The following CILK1 variants were observed in gnomAD, a reference collection of about 807,000 sequenced individuals.
CILK1 encodes serine/threonine-protein kinase ICK.
A neutral mutation model predicts 79.2 loss-of-function variants in CILK1; 47 were observed. The observed-to-expected ratio is 0.59, with a 90% CI of 0.47 to 0.76. CILK1 has a LOEUF of 0.76. Among genes scored for constraint, CILK1 ranks in the 30% least tolerant of loss-of-function variants. CILK1 has a pLI of 0.00. For synonymous variants in CILK1, 266 were observed against 275.9 expected, an observed-to-expected ratio of 0.96 and a Z score of 0.36; for missense variants, 660 against 769.5, an observed-to-expected ratio of 0.86 and a Z score of 1.68.
At chr6:53,031,305 CAA>C (rs1053864880) in intron 4 of CILK1, among the ~76,000 whole-genome samples, 161 bp from the exon 5 acceptor site, 1 of 151,634 alleles carries the variant, frequency 6.6e-6, no homozygotes, top group African/African-American at 2.4e-5. Context: ...GATAGTAAGC[CAA>C]AAAAAAGTTT....
chr6:53,037,019 GA>G, intron 3 of CILK1, among the ~76,000 whole-genome samples: 1 of 152,232 alleles, frequency 6.6e-6, no homozygotes, highest in African/African-American at 2.4e-5. Flanking sequence ...GCCCTTTACA[GA>G]AAACGTTTGC....
At chr6:53,018,567 T>A (rs1436410255) in intron 6 of CILK1, 66 bp from the exon 7 acceptor site, 17 of 1,455,074 alleles carry the variant, frequency 1.2e-5, no homozygotes, top group Non-Finnish European at 1.5e-5. Flanking sequence ...TAAATAACAA[T>A]CAGTTCTCAG....
At chr6:53,050,802 T>C (rs1767430621) in intron 1 of CILK1, among the ~76,000 whole-genome samples, 1 of 152,094 alleles carries the variant, frequency 6.6e-6, no homozygotes, top group Non-Finnish European at 1.5e-5. Flanking sequence ...CACTCCAGCC[T>C]GGGCAACAGA....
rs189203620 is a variant in CILK1, at chr6:53,025,954, C to A, written c.358+5111G>T. 1.2e-4 allele frequency among the ~76,000 whole-genome samples: 18 copies of A among 152,226 alleles called. No individual in the cohort carries two copies. The East Asian group carries it at 2.9e-3, about 24-fold the overall frequency. On this transcript the variant is annotated intron_variant, in intron 5 of 13. Coordinates refer to ENST00000676107, the MANE Select transcript of CILK1 (RefSeq NM_014920.5). ...CATGACATTACTATTTCCTTATGAGCGGCAATGCCACATAGCGGGTAGGTG... is the reference window on the plus strand; with the variant it reads ...CATGACATTACTATTTCCTTATGAGAGGCAATGCCACATAGCGGGTAGGTG...
intron 1 of CILK1, among the ~76,000 whole-genome samples, chr6:53,053,802 C>T (rs886303467): frequency 9.9e-5 from 15 of 152,164 alleles, no homozygotes; most frequent in African/African-American, 3.1e-4. Context: ...CCAACATGCC[C>T]ACAGTGGAGG....
rs1440018951 is a variant in CILK1 at position 53,002,806 on chromosome 6, T to C, written c.*2343A>G. ...AAGTATTTTCTGAAGTTGGGCCCTA[T>C]AAAGTATTAGAAAAACAATTTTATA... On this transcript the variant is annotated 3_prime_UTR_variant, in exon 14 of 14. Coordinates refer to ENST00000676107, the MANE Select transcript of CILK1 (RefSeq NM_014920.5). 1 of 152,210 alleles carries C rather than the reference T, an allele frequency of 6.6e-6. No individual in the cohort carries two copies. The highest frequency in any genetic ancestry group is 1.5e-5 in the Non-Finnish European group (1 of 68,030). 9.4% of individuals were successfully genotyped at this position (152,210 alleles called of 1,614,324 possible).
chr6:53,032,697 G>A, intron 3 of CILK1, 43 bp from the exon 4 acceptor site: 1 of 1,521,096 alleles, frequency 6.6e-7, no homozygotes, highest in East Asian at 2.3e-5. Context: ...AAATATTAGA[G>A]AAAATCTGTT....
At chr6:53,038,912 T>G (rs1224717882) in intron 2 of CILK1, among the ~76,000 whole-genome samples, 3 of 152,226 alleles carry the variant, frequency 2.0e-5, no homozygotes, top group Non-Finnish European at 4.4e-5. Context: ...AAGGTTATAT[T>G]TTTCAGTGCA....
At chr6:53,040,502 G>A (rs1766630337) in intron 2 of CILK1, among the ~76,000 whole-genome samples, 2 of 152,212 alleles carry the variant, frequency 1.3e-5, no homozygotes, top group Non-Finnish European at 2.9e-5. Flanking sequence ...ATCACAAAAT[G>A]AGCTCAGAAG....
At chr6:53,006,030 C>CA (rs1383723366) in intron 13 of CILK1, among the ~76,000 whole-genome samples, 1 of 152,170 alleles carries the variant, frequency 6.6e-6, no homozygotes, top group Non-Finnish European at 1.5e-5. Flanking sequence ...AACTCCTTTG[C>CA]AGTGAGCTCT....
In CILK1 at chr6:53,019,292, T is replaced by C. The variant is rs772283230; in HGVS notation, c.426A>G (p.Ala142=). The C allele has an allele frequency of 1.2e-6, 2 of 1,614,090 alleles. No homozygotes were observed. The highest frequency in any genetic ancestry group is 3.3e-5 in the Admixed American group (2 of 60,024). ...LCMGPELVKI[A]DFGLAREIRS... is the part of the protein sequence containing the mutation. The stretch of plus-strand genomic sequence containing the variant: ...GTATTTCTCGGGCCAAACCAAAGTC[T>C]GCAATTTTCACAAGTTCTGGTCCCA... The change falls in exon 6 of 14, where the codon GCA becomes GCG. Residue 142 remains alanine, a synonymous_variant. Coordinates refer to ENST00000676107, the MANE Select transcript of CILK1 (RefSeq NM_014920.5).
At chr6:53,058,004 A>T (rs945702529) in intron 1 of CILK1, among the ~76,000 whole-genome samples, 1 of 152,182 alleles carries the variant, frequency 6.6e-6, no homozygotes, top group Non-Finnish European at 1.5e-5. Flanking sequence ...ACATGTCAAC[A>T]TATGTTGGAT....
At chr6:53,015,773 T>C (rs1290629581) in intron 8 of CILK1, among the ~76,000 whole-genome samples, 1 of 152,240 alleles carries the variant, frequency 6.6e-6, no homozygotes, top group African/African-American at 2.4e-5. Context: ...TTGTAACTCA[T>C]AGAGAATAGA....
Position 53,031,269 on chromosome 6 carries a change from T to C in CILK1, c.279-125A>G. ...ATAAACACCAAATATAGTCACATGT[T>C]ACAAAAACAAAAAGATTAAACATTT... On this transcript the variant is annotated intron_variant, in intron 4 of 13. Transcript: ENST00000676107. 2 of 655,772 alleles carry C rather than the reference T, an allele frequency of 3.0e-6. 1 individual carries two copies. The highest frequency in any genetic ancestry group is 3.6e-5 in the South Asian group (2 of 55,892). The allele number at this position is 655,772 out of a possible 1,614,324, so 40.6% of individuals were successfully genotyped here. A position where few individuals can be genotyped will look rare whatever the true frequency, so the allele number is the denominator to read the frequency against.
rs767292630 is a variant in CILK1 at position 53,019,348 on chromosome 6, G to A, written c.370C>T (p.Arg124Ter). ...AGGAGGTTCTCAGGCTTTAAGTCTC[G>A]ATGAAAGAAGCCTATAGAGACAGTA... ...AFIHKHGFFHRDLKPENLLCM... is the reference protein window; with the variant it reads ...AFIHKHGFFH The change falls in exon 6 of 14, where the codon CGA becomes TGA. Residue 124 changes from arginine (R) to a stop codon, truncating the protein, a stop_gained. Coordinates refer to ENST00000676107, the MANE Select transcript of CILK1 (RefSeq NM_014920.5). LOFTEE classifies it high-confidence loss of function. 5 of 1,614,048 alleles carry A rather than the reference G, an allele frequency of 3.1e-6. No homozygotes were observed. Among genetic ancestry groups the A allele is most frequent in the East Asian group, 2.2e-5 (1 of 44,870 alleles).
chr6:53,041,011 C>T, intron 2 of CILK1, 125 bp downstream of exon 2: 1 of 747,958 alleles, frequency 1.3e-6, no homozygotes, highest in Non-Finnish European at 2.5e-6. Flanking sequence ...TCATCTAACC[C>T]ACAGCAATCA....
rs921655892 is a variant in CILK1, at chr6:53,002,567, T to C, written c.*2582A>G. 6.6e-6 allele frequency: 1 copy of C among 152,210 alleles called. No individual in the cohort carries two copies. Among genetic ancestry groups the C allele is most frequent in the African/African-American group, 2.4e-5 (1 of 41,446 alleles). The allele number at this position is 152,210 out of a possible 1,614,324, so 9.4% of individuals were successfully genotyped here. On this transcript the variant is annotated 3_prime_UTR_variant, in exon 14 of 14. Transcript: ENST00000676107. ...AAATGGTTACTATTCCCTTCTATAG[T>C]GCATAGGTTTTTTTACACAATTTGT...
At chr6:53,023,222 C>T (rs947777797) in intron 5 of CILK1, among the ~76,000 whole-genome samples, 8 of 152,100 alleles carry the variant, frequency 5.3e-5, no homozygotes, top group South Asian at 4.2e-4. Flanking sequence ...TGTAAGCCAC[C>T]GCACCTGGCT....
At chr6:53,035,012 G>T (rs1249364128) in intron 3 of CILK1, among the ~76,000 whole-genome samples, 2 of 152,186 alleles carry the variant, frequency 1.3e-5, no homozygotes, top group Non-Finnish European at 2.9e-5. Context: ...TGGTTCTGAG[G>T]GAGACTCATC....
Sources: allele counts gnomAD v4.1 joint callset (sites outside exome capture counted in the v4.1 genomes callset), GRCh38; gene constraint gnomAD v4.1.1; transcripts MANE v1.5; gene names NCBI Gene and HGNC (gene_info 2026-07-23, HGNC 2026-07-21).